Variants in DOCK1 observed in about 807,000 individuals in gnomAD.
DOCK1 encodes the protein dedicator of cytokinesis protein 1.
Under a neutral mutation model 262.7 loss-of-function variants are expected in DOCK1, and 138 were observed. The observed-to-expected ratio is 0.53, with a 90% CI of 0.46 to 0.61. The LOEUF is 0.61. DOCK1 is among the 20% of genes least tolerant of loss of function. DOCK1 has a pLI of 0.00. For synonymous variants in DOCK1, 866 were observed against 867.4 expected (o/e 1.00, Z 0.03); for missense variants, 1,908 against 2,370.7 (o/e 0.80, Z 4.05).
At chr10:126,927,568 C>G (rs898516908) in intron 1 of DOCK1, among the ~76,000 whole-genome samples, 5 of 152,062 alleles carry the variant, frequency 3.3e-5, no homozygotes, top group Non-Finnish European at 5.9e-5. Context: ...TCCCGAGTAG[C>G]TAGAATAACA....
intron 37 of DOCK1, among the ~76,000 whole-genome samples, chr10:127,382,671 G>A (rs1031129764): frequency 7.2e-5 from 11 of 152,312 alleles, no homozygotes; most frequent in African/African-American, 2.6e-4. Context: ...CAGTAGCAAG[G>A]TGTTTTTTGC....
At chr10:126,966,278 A>G (rs1013727214) in intron 1 of DOCK1, among the ~76,000 whole-genome samples, 7,252 of 152,128 alleles carry the variant, frequency 0.048, 206 homozygotes, top group Non-Finnish European at 0.06. Context: ...TTGGACGCCT[A>G]TGTTGATTTT....
intron 19 of DOCK1, among the ~76,000 whole-genome samples, chr10:127,038,978 A>T (rs1050690484): frequency 3.9e-5 from 6 of 152,146 alleles, no homozygotes; most frequent in Non-Finnish European, 8.8e-5. Context: ...CTCTCCAGCA[A>T]GGTCTGTGTG....
chr10:127,450,001 C>T (rs1480808194), intron 51 of DOCK1, among the ~76,000 whole-genome samples: 1 of 152,134 alleles, frequency 6.6e-6, no homozygotes, highest in African/African-American at 2.4e-5. Flanking sequence ...CTTACCTGCT[C>T]CTCATTGGCC....
chr10:127,179,153 T>A (rs575571780), intron 27 of DOCK1, among the ~76,000 whole-genome samples: 9 of 152,356 alleles, frequency 5.9e-5, no homozygotes, highest in African/African-American at 2.2e-4. Context: ...TGTCCTGCCA[T>A]GCTATTCATC....
intron 25 of DOCK1, among the ~76,000 whole-genome samples, chr10:127,119,255 G>A (rs2049387535): frequency 6.6e-6 from 1 of 152,172 alleles, no homozygotes; most frequent in South Asian, 2.1e-4. Flanking sequence ...CACTGTGTCA[G>A]CCAGGATGGT....
intron 29 of DOCK1, among the ~76,000 whole-genome samples, chr10:127,321,970 G>T (rs547700955): frequency 9.9e-4 from 150 of 152,020 alleles, no homozygotes; most frequent in African/African-American, 3.4e-3. Context: ...AGATGTGGTG[G>T]CACACACTTG....
At position 127,362,220 on chromosome 10, in the gene DOCK1, C is replaced by T. The variant is rs374676061; in HGVS notation, c.3432+8C>T. The T allele has an allele frequency of 3.1e-6, 5 of 1,610,584 alleles. No homozygotes were observed. Among genetic ancestry groups the T allele is most frequent in the East Asian group, 2.2e-5 (1 of 44,854 alleles). On this transcript the variant is annotated splice_region_variant and intron_variant, in intron 33 of 51. Transcript: ENST00000623213. Reference sequence around the variant, plus strand: ...ACCCGAAGCTTCCAAATGGTAAGGACGTAGATGTGCAGCGAGTGGCCGGGG... The same window carrying T: ...ACCCGAAGCTTCCAAATGGTAAGGATGTAGATGTGCAGCGAGTGGCCGGGG...
intron 27 of DOCK1, chr10:127,127,965 C>A: frequency 2.6e-6 from 1 of 383,102 alleles, no homozygotes; most frequent in Non-Finnish European, 4.7e-6. Context: ...AAACATTTGG[C>A]TCTTGTTTTC....
intron 38 of DOCK1, among the ~76,000 whole-genome samples, chr10:127,390,472 A>G (rs1157409376): frequency 6.6e-6 from 1 of 152,200 alleles, no homozygotes; most frequent in Non-Finnish European, 1.5e-5. Context: ...TAAAGAGGTA[A>G]TTAAGGTAAA....
chr10:127,241,579 T>C (rs2059266343), intron 27 of DOCK1, among the ~76,000 whole-genome samples: 1 of 152,106 alleles, frequency 6.6e-6, no homozygotes, highest in Admixed American at 6.6e-5. Flanking sequence ...GGAACCTCCA[T>C]GCTTAGTATT....
chr10:127,089,777 C>T (rs574210866), intron 23 of DOCK1, among the ~76,000 whole-genome samples: 64 of 152,294 alleles, frequency 4.2e-4, no homozygotes, highest in African/African-American at 1.4e-3. Context: ...GTGTGGACAC[C>T]GTGCCATTTA....
intron 46 of DOCK1, among the ~76,000 whole-genome samples, chr10:127,421,611 T>C (rs911449134): frequency 6.6e-6 from 1 of 152,164 alleles, no homozygotes; most frequent in Non-Finnish European, 1.5e-5. Flanking sequence ...TCTCTACCCA[T>C]TGAACGACTT....
intron 23 of DOCK1, among the ~76,000 whole-genome samples, chr10:127,076,808 C>T (rs1439387851): frequency 6.6e-6 from 1 of 152,220 alleles, no homozygotes; most frequent in Non-Finnish European, 1.5e-5. Context: ...ACCCCAGGGC[C>T]TGTGCCTTCC....
chr10:126,957,984 G>A (rs879230674), intron 1 of DOCK1, among the ~76,000 whole-genome samples: 82,809 of 152,040 alleles, frequency 0.54, 23,719 homozygotes, highest in African/African-American at 0.71. Flanking sequence ...ATAGGATTCC[G>A]TGTATTTGAA....
chr10:127,404,241 C>A, intron 39 of DOCK1, 84 bp from the exon 40 acceptor site: 1 of 1,213,910 alleles, frequency 8.2e-7, no homozygotes, highest in Non-Finnish European at 1.2e-6. Flanking sequence ...GTTGCCAGAG[C>A]TTTTAAAGAG....
At chr10:127,214,679 G>C (rs2058127619) in intron 27 of DOCK1, among the ~76,000 whole-genome samples, 1 of 152,192 alleles carries the variant, frequency 6.6e-6, no homozygotes, top group East Asian at 1.9e-4. Context: ...CTGCGGGAGA[G>C]CGCCTCCAGG....
At chr10:127,396,406 C>T (rs1395253943) in intron 38 of DOCK1, among the ~76,000 whole-genome samples, 1 of 152,234 alleles carries the variant, frequency 6.6e-6, no homozygotes, top group Non-Finnish European at 1.5e-5. Flanking sequence ...ACCCTCCCAC[C>T]TGCAACCATG....
At chr10:127,238,721 C>T (rs1349159788) in intron 27 of DOCK1, among the ~76,000 whole-genome samples, 2 of 152,154 alleles carry the variant, frequency 1.3e-5, no homozygotes, top group Non-Finnish European at 2.9e-5. Flanking sequence ...TGACATGGCC[C>T]CACTAGCCTA....
Sources: gnomAD v4.1 joint callset for allele counts (sites outside exome capture counted in the v4.1 genomes callset) on GRCh38, gnomAD v4.1.1 for gene constraint, MANE v1.5 for transcripts, NCBI Gene and HGNC (gene_info 2026-07-23, HGNC 2026-07-21) for gene names.